OR6J1: variants seen among roughly 807,000 people sequenced by gnomAD.
OR6J1 encodes olfactory receptor family 6 subfamily J member 1.
For synonymous variants in OR6J1, 109 were observed against 70.0 expected, an observed-to-expected ratio of 1.56 and a Z score of -2.78; for missense variants, 304 against 166.8, an observed-to-expected ratio of 1.82 and a Z score of -4.53.
chr14:22,641,270 G>GA lies in OR6J1; in HGVS notation c.-28+2827dup, dbSNP rs2037646292. ...GAAAGAAAGAAAGAAAGAAAGAAAG[G>GA]AAGGAAGGAAGAAAGAGAAGAAAGA... On this transcript the variant is annotated intron_variant, in intron 1 of 1. Transcript: ENST00000540461. Among the ~76,000 whole-genome samples the GA allele has an allele frequency of 5.7e-4, 43 of 75,680 alleles. 1 individual carries two copies. The highest frequency in any genetic ancestry group is 2.3e-3 in the Admixed American group (18 of 7,922). 49.6% of individuals were successfully genotyped at this position (75,680 alleles called of 152,430 possible).
chr14:22,632,728 G>A lies in OR6J1; in HGVS notation c.*1040C>T, dbSNP rs1393076982. The A allele has an allele frequency of 2.6e-5, 4 of 152,174 alleles. No individual in the cohort carries two copies. Among genetic ancestry groups the A allele is most frequent in the African/African-American group, 9.7e-5 (4 of 41,422 alleles). 9.4% of individuals were successfully genotyped at this position (152,174 alleles called of 1,614,324 possible). A position where few individuals can be genotyped will look rare whatever the true frequency, so the allele number is the denominator to read the frequency against. On this transcript the variant is annotated 3_prime_UTR_variant, in exon 2 of 2. Transcript: ENST00000540461. ...CAATAAAAAGGGATTTCATTTACAG[G>A]TACAGGCAAAACACATCAAATCCAG...
At chr14:22,636,546 GATTGCAGGCGCAC>G (rs2037587971) in intron 1 of OR6J1, among the ~76,000 whole-genome samples, 1 of 113,534 alleles carries the variant, frequency 8.8e-6, no homozygotes, top group Non-Finnish European at 1.7e-5. Flanking sequence ...GAGTGCCTGC[GATTGCAGGCGCAC>G]GCCGCCACGC....
rs2037565924 is a variant in OR6J1 at position 22,634,074 on chromosome 14, T to TA, written c.737dup (p.Val247SerfsTer5). ...CAGTGATGCCACTAGAAATGATGAC[T>TA]ATGGTCAGGTGGGAAGCACAGGTAT... On this transcript the variant is annotated frameshift_variant, in exon 2 of 2. Coordinates refer to ENST00000540461, the MANE Select transcript of OR6J1 (RefSeq NM_001348233.2). LOFTEE classifies it low-confidence loss of function (END_TRUNC). 1.4e-6 allele frequency: 1 copy of TA among 703,036 alleles called. No individual in the cohort carries two copies. The highest frequency in any genetic ancestry group is 2.7e-5 in the East Asian group (1 of 37,296). The allele number at this position is 703,036 out of a possible 1,614,324, so 43.5% of individuals were successfully genotyped here. A position where few individuals can be genotyped will look rare whatever the true frequency, so the allele number is the denominator to read the frequency against.
In OR6J1 at chr14:22,634,743, CT is replaced by C. The variant is rs1182309335; in HGVS notation, c.68del (p.Glu23GlyfsTer14). 2.8e-6 allele frequency: 2 copies of C among 706,576 alleles called. No individual in the cohort carries two copies. The highest frequency in any genetic ancestry group is 5.2e-6 in the Non-Finnish European group (2 of 386,430). 43.8% of individuals were successfully genotyped at this position (706,576 alleles called of 1,614,324 possible). A position where few individuals can be genotyped will look rare whatever the true frequency, so the allele number is the denominator to read the frequency against. Reference protein sequence around the residue: ...LLGFSLSREVELLLLVLLLPT... With the variant: ...LLGFSLSREVXLLLLVLLLPT... Reference sequence around the variant, plus strand: ...GCAGCAGGAGCACCAGGAGCAGCAGCTCCACCTCCCTGCTCAGGGAAAACCC... The same window carrying C: ...GCAGCAGGAGCACCAGGAGCAGCAGCCCACCTCCCTGCTCAGGGAAAACCC... On this transcript the variant is annotated frameshift_variant, in exon 2 of 2. Coordinates refer to ENST00000540461, the MANE Select transcript of OR6J1 (RefSeq NM_001348233.2). LOFTEE classifies it low-confidence loss of function (END_TRUNC).
Position 22,633,974 on chromosome 14 carries a change from C to A in OR6J1, c.838G>T (p.Val280Leu). 1 of 702,892 alleles carries A rather than the reference C, an allele frequency of 1.4e-6. No individual in the cohort carries two copies. Among genetic ancestry groups the A allele is most frequent in the Non-Finnish European group, 2.6e-6 (1 of 384,862 alleles). 43.5% of individuals were successfully genotyped at this position (702,892 alleles called of 1,614,324 possible). Residue 280 changes from valine (V) to leucine (L), a missense_variant, in exon 2 of 2, where the codon GTG (valine) becomes TTG (leucine). Val to Leu is a conservative substitution (Grantham distance 32). Transcript: ENST00000540461. ...ATAAAGGGGTTGAGGAATGGAGTCACCACACTGCTCAGAACCAAAGGGATC... is the reference window on the plus strand; with the variant it reads ...ATAAAGGGGTTGAGGAATGGAGTCAACACACTGCTCAGAACCAAAGGGATC... ...NKIPLVLSSV[V>L]TPFLNPFIYT...
Position 22,641,335 on chromosome 14 carries a change from AAGG to A in OR6J1, c.-28+2760_-28+2762del, listed in dbSNP as rs1253655904. Among the ~76,000 whole-genome samples the A allele has an allele frequency of 1.7e-4, 24 of 143,998 alleles. 1 individual carries two copies. Among genetic ancestry groups the A allele is most frequent in the African/African-American group, 5.3e-4 (21 of 39,524 alleles). The allele number at this position is 143,998 out of a possible 152,430, so 94.5% of individuals were successfully genotyped here. On this transcript the variant is annotated intron_variant, in intron 1 of 1. Coordinates refer to ENST00000540461, the MANE Select transcript of OR6J1 (RefSeq NM_001348233.2). ...AGAGAGAGAGAGGAAGGAAGGAAGA[AAGG>A]AGGGAGGGAGGGAAGAAAGAAAGAA...
rs1238490434 is a variant in OR6J1 at position 22,637,602 on chromosome 14, G to A, written c.-27-2764C>T. On this transcript the variant is annotated intron_variant, in intron 1 of 1. Coordinates refer to ENST00000540461, the MANE Select transcript of OR6J1 (RefSeq NM_001348233.2). ...AGGGAGGTGGGGGGGTCAGCCCCCC[G>A]CCTGGCCAGCCGCCCCATCCGGGAG... is the stretch of plus-strand genomic sequence containing the variant. Among the ~76,000 whole-genome samples the A allele has an allele frequency of 1.0e-3, 56 of 53,892 alleles. 1 individual carries two copies. Among genetic ancestry groups the A allele is most frequent in the Non-Finnish European group, 1.3e-3 (37 of 27,468 alleles). 35.4% of individuals were successfully genotyped at this position (53,892 alleles called of 152,430 possible).
Position 22,634,423 on chromosome 14 carries a change from C to G in OR6J1, c.389G>C (p.Arg130Pro), listed in dbSNP as rs567001899. The change falls in exon 2 of 2, where the codon CGG (arginine) becomes CCG (proline). Residue 130 changes from arginine to proline, a missense_variant. Arg to Pro is a moderately radical substitution (Grantham distance 103). Coordinates refer to ENST00000540461, the MANE Select transcript of OR6J1 (RefSeq NM_001348233.2). ...DRYATICCPLRYTTIMRPSVC... is the reference protein window; with the variant it reads ...DRYATICCPLPYTTIMRPSVC... ...AGAAGGTCTCATGATGGTGGTGTAC[C>G]GCAGGGGGCAGCAGATGGTGGCATA... The G allele has an allele frequency of 1.4e-6, 1 of 703,260 alleles. No homozygotes were observed. The highest frequency in any genetic ancestry group is 2.7e-5 in the East Asian group (1 of 37,286). The allele number at this position is 703,260 out of a possible 1,614,324, so 43.6% of individuals were successfully genotyped here. A position where few individuals can be genotyped will look rare whatever the true frequency, so the allele number is the denominator to read the frequency against.
chr14:22,635,060 A>G (rs1339883557), intron 1 of OR6J1, among the ~76,000 whole-genome samples: 4 of 152,260 alleles, frequency 2.6e-5, no homozygotes, highest in African/African-American at 9.6e-5. Context: ...ATGCTGTCAT[A>G]TAGGTCATAT....
chr14:22,636,578 T>G (rs2037588316), intron 1 of OR6J1, among the ~76,000 whole-genome samples: 1 of 118,718 alleles, frequency 8.4e-6, no homozygotes, highest in African/African-American at 4.6e-5. Flanking sequence ...GCCTCACTGG[T>G]TTTCGTTTTT....
At chr14:22,642,733 A>C (rs917962992) in intron 1 of OR6J1, among the ~76,000 whole-genome samples, 3 of 152,132 alleles carry the variant, frequency 2.0e-5, no homozygotes, top group Non-Finnish European at 4.4e-5. Flanking sequence ...ATTTCATATA[A>C]ATGAATCATA....
In OR6J1 at chr14:22,634,132, A is replaced by G. The variant is rs946887594; in HGVS notation, c.680T>C (p.Ile227Thr). Residue 227 changes from isoleucine to threonine, a missense_variant, in exon 2 of 2, where the codon ATT becomes ACT. Ile to Thr is a moderately conservative substitution (Grantham distance 89, BLOSUM62 -1). Coordinates refer to ENST00000540461, the MANE Select transcript of OR6J1 (RefSeq NM_001348233.2). ...CTTCTTCCTTCCACTTGCAGAAGGA[A>G]TGCGCACTATGGTCAAGATGATGTA... ...YTYIILTIVR[I>T]PSASGRKKAF... 3.4e-5 allele frequency: 24 copies of G among 703,194 alleles called. No individual in the cohort carries two copies. In the African/African-American group the frequency reaches 4.2e-4, roughly 12 times the overall value. 43.6% of individuals were successfully genotyped at this position (703,194 alleles called of 1,614,324 possible).
chr14:22,633,703 T>C lies in OR6J1; in HGVS notation c.*65A>G. 1 of 609,968 alleles carries C rather than the reference T, an allele frequency of 1.6e-6. No individual in the cohort carries two copies. The highest frequency in any genetic ancestry group is 2.9e-6 in the Non-Finnish European group (1 of 343,302). 37.8% of individuals were successfully genotyped at this position (609,968 alleles called of 1,614,324 possible). ...AGTCTCTGTCTCCGCAGTCAGTCTT[T>C]CCACTATAGACTATTCAGAATTCCT... On this transcript the variant is annotated 3_prime_UTR_variant, in exon 2 of 2. Transcript: ENST00000540461.
In OR6J1 at chr14:22,631,887, A is replaced by G. The variant is rs1268288651; in HGVS notation, c.*1881T>C. ...TACTCGGGCCTTTCCCTTTTTTTCT[A>G]CTATGAAGCTTTCCACTCCCCTGCC... is the stretch of plus-strand genomic sequence containing the variant. On this transcript the variant is annotated 3_prime_UTR_variant, in exon 2 of 2. Transcript: ENST00000540461. 6.6e-6 allele frequency: 1 copy of G among 152,168 alleles called. No individual in the cohort carries two copies. The highest frequency in any genetic ancestry group is 1.5e-5 in the Non-Finnish European group (1 of 68,110). The allele number at this position is 152,168 out of a possible 1,614,324, so 9.4% of individuals were successfully genotyped here.
At chr14:22,638,588 C>T (rs1355701032) in intron 1 of OR6J1, among the ~76,000 whole-genome samples, 1,919 of 78,896 alleles carry the variant, frequency 0.024, 285 homozygotes, top group African/African-American at 0.19. Flanking sequence ...GACCTTCCCT[C>T]CACTATTGTC....
At chr14:22,643,055 C>T (rs561395985) in intron 1 of OR6J1, among the ~76,000 whole-genome samples, 2 of 151,574 alleles carry the variant, frequency 1.3e-5, no homozygotes, top group African/African-American at 4.8e-5. Context: ...GCAACCTCCG[C>T]CTCCCCGGTT....
chr14:22,640,483 GTATTT>G (rs1488238690), intron 1 of OR6J1, among the ~76,000 whole-genome samples: 8 of 132,652 alleles, frequency 6.0e-5, no homozygotes, highest in African/African-American at 2.4e-4. Context: ...CAGTGAGAAT[GTATTT>G]TTTTTTTTTT....
chr14:22,639,216 C>T lies in OR6J1; in HGVS notation c.-27-4378G>A, dbSNP rs535463669. 8.2e-5 allele frequency among the ~76,000 whole-genome samples: 10 copies of T among 121,378 alleles called. 1 individual carries two copies. The highest frequency in any genetic ancestry group is 2.3e-4 in the African/African-American group (5 of 21,426). The allele number at this position is 121,378 out of a possible 152,430, so 79.6% of individuals were successfully genotyped here. On this transcript the variant is annotated intron_variant, in intron 1 of 1. Coordinates refer to ENST00000540461, the MANE Select transcript of OR6J1 (RefSeq NM_001348233.2). ...GAGCGTCTCCGCCCGGCAGCCACCC[C>T]GTCCGGGAGGGAGGTGGTGGGGGGT...
In OR6J1 at chr14:22,637,920, C is replaced by T. The variant is rs1312230061; in HGVS notation, c.-27-3082G>A. 1.3e-4 allele frequency among the ~76,000 whole-genome samples: 9 copies of T among 67,882 alleles called. 2 individuals are homozygous for T. Among genetic ancestry groups the T allele is most frequent in the Admixed American group, 9.5e-4 (9 of 9,504 alleles). The allele number at this position is 67,882 out of a possible 152,430, so 44.5% of individuals were successfully genotyped here. ...AGGGAGGTGGGGGGGTCAGCCCCCG[C>T]CCGGCCGGCCGCCCCGTCCGGGAGG... On this transcript the variant is annotated intron_variant, in intron 1 of 1. Transcript: ENST00000540461.
Sources: allele counts gnomAD v4.1 joint callset (sites outside exome capture counted in the v4.1 genomes callset), GRCh38; gene constraint gnomAD v4.1.1; transcripts MANE v1.5; gene names NCBI Gene and HGNC (gene_info 2026-07-23, HGNC 2026-07-21).